The following PRKG1 variants were observed in gnomAD, a reference collection of about 807,000 sequenced individuals.
PRKG1 encodes protein kinase cGMP-dependent 1.
Under a neutral mutation model 88.1 loss-of-function variants are expected in PRKG1, and 35 were observed. The observed-to-expected ratio is 0.40, with a 90% CI of 0.30 to 0.53. The LOEUF (loss-of-function observed/expected upper bound fraction) is 0.53. PRKG1 is among the 20% of genes least tolerant of loss of function. The pLI is 0.59. For missense variants in PRKG1, 540 were observed against 839.8 expected (o/e 0.64, Z 4.41); for synonymous variants, 303 against 292.5 (o/e 1.04, Z -0.37).
At chr10:51,620,375 A>G (rs1231843758) in intron 3 of PRKG1, among the ~76,000 whole-genome samples, 1 of 152,058 alleles carries the variant, frequency 6.6e-6, no homozygotes, top group East Asian at 1.9e-4. Flanking sequence ...TTCACCCTAG[A>G]CACTAAAGAT....
In PRKG1 at chr10:51,341,176, G is replaced by T. The variant is rs534049703; in HGVS notation, c.479-126547G>T. ...AAGGGATTTAACAAGAGGTGCCTGA[G>T]AAAGATGTATTTCAAAAGATTTTAT... On this transcript the variant is annotated intron_variant, in intron 2 of 17. Coordinates refer to ENST00000373980, the MANE Select transcript of PRKG1 (RefSeq NM_006258.4). Among the ~76,000 whole-genome samples the T allele has an allele frequency of 1.9e-3, 285 of 152,244 alleles. 2 individuals are homozygous for T. The highest frequency in any genetic ancestry group is 6.6e-3 in the African/African-American group (274 of 41,552).
intron 3 of PRKG1, among the ~76,000 whole-genome samples, chr10:51,756,091 T>C (rs939785937): frequency 2.6e-5 from 4 of 152,212 alleles, no homozygotes; most frequent in African/African-American, 9.6e-5. Flanking sequence ...TTCAAAGTGT[T>C]AGATAACATT....
At chr10:51,620,263 C>T (rs1417410448) in intron 3 of PRKG1, among the ~76,000 whole-genome samples, 2 of 152,040 alleles carry the variant, frequency 1.3e-5, no homozygotes, top group Non-Finnish European at 2.9e-5. Context: ...CGAAGGATTT[C>T]CCCTAGATTA....
chr10:51,965,766 TAGC>T (rs1358424645), intron 5 of PRKG1, among the ~76,000 whole-genome samples: 6 of 152,204 alleles, frequency 3.9e-5, no homozygotes, highest in Non-Finnish European at 7.3e-5. Flanking sequence ...ATCCTCCACT[TAGC>T]AGTCTGTTCT....
Position 52,000,286 on chromosome 10 carries a change from A to T in PRKG1, c.763-54198A>T, listed in dbSNP as rs1388046992. ...TGCATTATTGTTTTTCGTAGACTAT[A>T]CATAAACATTGGAGATATCAAAAAT... On this transcript the variant is annotated intron_variant, in intron 5 of 17. Transcript: ENST00000373980. Among the ~76,000 whole-genome samples, 15 of 151,218 alleles carry T rather than the reference A, an allele frequency of 9.9e-5. No individual in the cohort carries two copies. In the Admixed American group the frequency reaches 9.9e-4, roughly 10 times the overall value.
chr10:51,035,103 G>A (rs1415774133), intron 1 of PRKG1, among the ~76,000 whole-genome samples: 1 of 152,076 alleles, frequency 6.6e-6, no homozygotes, highest in Non-Finnish European at 1.5e-5. Context: ...AGTATACACG[G>A]TCATGGGGTT....
intron 3 of PRKG1, among the ~76,000 whole-genome samples, chr10:51,535,725 ATTTT>A (rs34150180): frequency 6.2e-5 from 9 of 145,018 alleles, no homozygotes; most frequent in Admixed American, 1.4e-4. Flanking sequence ...GAAATCAATG[ATTTT>A]TTTTTTTTTT....
intron 2 of PRKG1, among the ~76,000 whole-genome samples, chr10:51,368,296 C>T (rs1554800292): frequency 1.3e-5 from 2 of 151,822 alleles, no homozygotes; most frequent in Non-Finnish European, 2.9e-5. Flanking sequence ...CACTTTTTTT[C>T]GTCTTCCTTG....
At chr10:51,558,396 A>G (rs1452584078) in intron 3 of PRKG1, among the ~76,000 whole-genome samples, 1 of 152,096 alleles carries the variant, frequency 6.6e-6, no homozygotes, top group Non-Finnish European at 1.5e-5. Context: ...TGATCAAATG[A>G]GGACCATACT....
chr10:52,062,219 T>C (rs1291062439), intron 6 of PRKG1, among the ~76,000 whole-genome samples: 1 of 152,108 alleles, frequency 6.6e-6, no homozygotes, highest in Non-Finnish European at 1.5e-5. Context: ...ACAGAAATGC[T>C]CACCAAGTTC....
intron 1 of PRKG1, among the ~76,000 whole-genome samples, chr10:51,099,277 A>C: frequency 6.6e-6 from 1 of 152,010 alleles, no homozygotes; most frequent in East Asian, 1.9e-4. Flanking sequence ...AGAATTGAAG[A>C]AGTTATTTTT....
chr10:51,563,754 T>G (rs1195128493), intron 3 of PRKG1, among the ~76,000 whole-genome samples: 1 of 152,140 alleles, frequency 6.6e-6, no homozygotes, highest in Non-Finnish European at 1.5e-5. Flanking sequence ...AGGATGCTTC[T>G]CAGAAGAACC....
At chr10:51,927,799 T>C (rs1185567076) in intron 5 of PRKG1, among the ~76,000 whole-genome samples, 1 of 152,202 alleles carries the variant, frequency 6.6e-6, no homozygotes, top group Non-Finnish European at 1.5e-5. Context: ...GTATTATCAT[T>C]TGAGACTATG....
rs1457747745 is a variant in PRKG1 at position 52,271,366 on chromosome 10, A to G, written c.1190A>G (p.Glu397Gly). ...GRVELVQLKS[E>G]ESKTFAMKIL... ...TTCTTTAAGGTCCAGTTGAAAAGTGAAGAATCCAAAACGTTTGCAATGAAG... is the reference window on the plus strand; with the variant it reads ...TTCTTTAAGGTCCAGTTGAAAAGTGGAGAATCCAAAACGTTTGCAATGAAG... The change falls in exon 11 of 18, where the codon GAA becomes GGA. Residue 397 changes from glutamate to glycine, a missense_variant. Glu to Gly is a moderately conservative substitution (Grantham distance 98, BLOSUM62 -2). Around this residue, in one of 5 missense-constraint regions of PRKG1, gnomAD observed 400 missense variants for 562.7 expected, o/e 0.71. Coordinates refer to ENST00000373980, the MANE Select transcript of PRKG1 (RefSeq NM_006258.4). 3 of 1,612,588 alleles carry G rather than the reference A, an allele frequency of 1.9e-6. No individual in the cohort carries two copies. The highest frequency in any genetic ancestry group is 2.5e-6 in the Non-Finnish European group (3 of 1,179,082).
chr10:51,936,302 G>T (rs1313207902), intron 5 of PRKG1, among the ~76,000 whole-genome samples: 1 of 151,952 alleles, frequency 6.6e-6, no homozygotes, highest in South Asian at 2.1e-4. Flanking sequence ...CCCTGTTGCT[G>T]ATGGCCTCCT....
chr10:51,617,642 G>A (rs1310707071), intron 3 of PRKG1, among the ~76,000 whole-genome samples: 2 of 152,184 alleles, frequency 1.3e-5, no homozygotes, highest in Admixed American at 6.5e-5. Flanking sequence ...TAGCCTAAGA[G>A]CAATAAGCTA....
At chr10:51,882,812 T>C (rs1841469917) in intron 4 of PRKG1, among the ~76,000 whole-genome samples, 1 of 152,226 alleles carries the variant, frequency 6.6e-6, no homozygotes, top group African/African-American at 2.4e-5. Context: ...ACTACCAGTC[T>C]GCCAGACATG....
chr10:51,003,409 A>G (rs1438620060), intron 1 of PRKG1, among the ~76,000 whole-genome samples: 1 of 152,192 alleles, frequency 6.6e-6, no homozygotes, highest in Non-Finnish European at 1.5e-5. Flanking sequence ...AGAGGTGTCC[A>G]CACAAAAGGA....
intron 4 of PRKG1, among the ~76,000 whole-genome samples, chr10:51,882,595 A>G (rs539918034): frequency 6.6e-6 from 1 of 152,324 alleles, no homozygotes; most frequent in African/African-American, 2.4e-5. Context: ...CAAGTCACAT[A>G]GAGGAGGGAA....
Sources: gnomAD v4.1 joint callset for allele counts (sites outside exome capture counted in the v4.1 genomes callset) on GRCh38, gnomAD v4.1.1 for gene constraint, gnomAD v4.1.1 regional missense constraint, MANE v1.5 for transcripts, NCBI Gene and HGNC (gene_info 2026-07-23, HGNC 2026-07-21) for gene names.